Variants in NEXMIF observed in about 807,000 individuals in gnomAD.
NEXMIF encodes neurite extension and migration factor.
In NEXMIF, 8 loss-of-function variants were observed where a neutral mutation model predicts 62.1. The observed-to-expected ratio is 0.13, with a 90% CI of 0.08 to 0.23. The LOEUF is 0.23. NEXMIF is among the 10% of genes least tolerant of loss of function. The pLI is 1.00. For missense variants in NEXMIF, 976 were observed against 1,113.3 expected, an observed-to-expected ratio of 0.88 and a Z score of 1.75; for synonymous variants, 404 against 416.6, an observed-to-expected ratio of 0.97 and a Z score of 0.37.
Position 74,742,146 on chromosome X carries a change from G to C in NEXMIF, c.2411C>G (p.Thr804Ser), listed in dbSNP as rs764843382. 10 of 1,209,642 alleles carry C rather than the reference G, an allele frequency of 8.3e-6. No homozygotes were observed. The African/African-American group carries it at 1.2e-4, about 15-fold the overall frequency. ...SEMPLSSANVTTNIPVIPGGY... is the reference protein window; with the variant it reads ...SEMPLSSANVSTNIPVIPGGY... ...TCCCGGGATAACAGGTATATTAGTG[G>C]TAACATTAGCAGATGATAAAGGCAT... Residue 804 changes from threonine to serine, a missense_variant, in exon 3 of 4, where the codon ACC (threonine) becomes AGC (serine). Transcript: ENST00000055682.
At chrX:74,796,233 T>TATATATATACATATATA (rs2080310065) in intron 1 of NEXMIF, among the ~76,000 whole-genome samples, 2 of 55,513 alleles carry the variant, frequency 3.6e-5, no homozygotes, top group Non-Finnish European at 6.8e-5. Flanking sequence ...ATATATAATA[T>TATATATATACATATATA]ATATATATAT....
chrX:74,888,615 A>T (rs748151500), intron 1 of NEXMIF, among the ~76,000 whole-genome samples: 158 of 111,042 alleles, frequency 1.4e-3, no homozygotes, highest in African/African-American at 5.0e-3. Flanking sequence ...TGGGTGCAGC[A>T]AACCATCATG....
chrX:74,863,832 C>A (rs903234691), intron 1 of NEXMIF, among the ~76,000 whole-genome samples: 2 of 112,265 alleles, frequency 1.8e-5, no homozygotes, highest in African/African-American at 6.5e-5. Context: ...AGGCCAATAT[C>A]TCTCATGAAC....
intron 1 of NEXMIF, among the ~76,000 whole-genome samples, chrX:74,761,002 G>C (rs748592548): frequency 2.7e-5 from 3 of 109,707 alleles, no homozygotes; most frequent in African/African-American, 6.6e-5. Context: ...CAAGTAGCTG[G>C]GACTACAGGC....
At position 74,743,239 on chromosome X, in the gene NEXMIF, T is replaced by C. The variant is rs1437171743; in HGVS notation, c.1318A>G (p.Ser440Gly). The change falls in exon 3 of 4, where the codon AGT (serine) becomes GGT (glycine). Residue 440 changes from serine to glycine, a missense_variant. Ser to Gly is a moderately conservative substitution (Grantham distance 56). Transcript: ENST00000055682. ...ATCTCAATGAAGGAACTATCATCAC[T>C]GAAACTCCCTGATGTCTCCAGGGAA... is the stretch of plus-strand genomic sequence containing the variant. The part of the protein sequence containing the change: ...ANSLETSGSF[S>G]DDSSFIEISY... 2.5e-6 allele frequency: 3 copies of C among 1,209,598 alleles called. No individual in the cohort carries two copies. In the East Asian group the frequency reaches 8.9e-5, roughly 36 times the overall value.
intron 1 of NEXMIF, among the ~76,000 whole-genome samples, chrX:74,746,913 T>A (rs940173231): frequency 8.9e-6 from 1 of 112,341 alleles, no homozygotes; most frequent in Non-Finnish European, 1.9e-5. Flanking sequence ...AAAGAGAAAA[T>A]ATATGCTTAC....
At chrX:74,914,081 C>A (rs1444236341) in intron 1 of NEXMIF, among the ~76,000 whole-genome samples, 1 of 111,166 alleles carries the variant, frequency 9.0e-6, no homozygotes, top group African/African-American at 3.3e-5. Flanking sequence ...TAATGTAGTT[C>A]TAGATATATG....
At chrX:74,753,715 GCACACA>G (rs199783383) in intron 1 of NEXMIF, among the ~76,000 whole-genome samples, 5 of 100,179 alleles carry the variant, frequency 5.0e-5, no homozygotes, top group African/African-American at 7.3e-5. Context: ...ACACACACAC[GCACACA>G]CACACACACA....
chrX:74,888,160 G>A (rs1680685813), intron 1 of NEXMIF, among the ~76,000 whole-genome samples: 1 of 109,495 alleles, frequency 9.1e-6, no homozygotes, highest in African/African-American at 3.3e-5. Context: ...CAGGGGGGAA[G>A]GATAGCAGTA....
chrX:74,905,711 G>A (rs2080765595), intron 1 of NEXMIF, among the ~76,000 whole-genome samples: 1 of 110,641 alleles, frequency 9.0e-6, no homozygotes, highest in Non-Finnish European at 1.9e-5. Flanking sequence ...TTGGGAGGTT[G>A]AGGAATGAGA....
intron 1 of NEXMIF, among the ~76,000 whole-genome samples, chrX:74,851,360 G>A (rs2080512788): frequency 9.0e-6 from 1 of 111,395 alleles, no homozygotes; most frequent in Non-Finnish European, 1.9e-5. Context: ...TAGACATCCA[G>A]ACACAGGAAG....
At chrX:74,923,641 G>A (rs1569369929) in intron 1 of NEXMIF, among the ~76,000 whole-genome samples, 2 of 111,948 alleles carry the variant, frequency 1.8e-5, no homozygotes, top group Non-Finnish European at 3.8e-5. Flanking sequence ...AAGGAGTTCA[G>A]AGAAGACCAT....
chrX:74,772,084 T>C (rs1046954086), intron 1 of NEXMIF, among the ~76,000 whole-genome samples: 9 of 111,740 alleles, frequency 8.1e-5, no homozygotes, highest in African/African-American at 2.9e-4. Context: ...GGCAATCAGG[T>C]CCTTCCTTCA....
intron 1 of NEXMIF, among the ~76,000 whole-genome samples, chrX:74,812,601 C>G (rs1044079125): frequency 2.7e-5 from 3 of 110,603 alleles, no homozygotes; most frequent in Non-Finnish European, 5.7e-5. Context: ...AACATGATAC[C>G]AATAGGAGGA....
chrX:74,880,308 A>C (rs368993997), intron 1 of NEXMIF, among the ~76,000 whole-genome samples: 1 of 110,986 alleles, frequency 9.0e-6, no homozygotes, highest in African/African-American at 3.3e-5. Context: ...AGACTGAACC[A>C]CCCTCTTTCA....
intron 1 of NEXMIF, among the ~76,000 whole-genome samples, chrX:74,777,870 A>C (rs756829759): frequency 3.6e-5 from 4 of 111,431 alleles, no homozygotes; most frequent in Non-Finnish European, 7.5e-5. Flanking sequence ...ACCAGCTCCC[A>C]AAAAGCATTA....
intron 1 of NEXMIF, among the ~76,000 whole-genome samples, chrX:74,857,533 G>A (rs2080539729): frequency 1.8e-5 from 2 of 112,191 alleles, no homozygotes; most frequent in African/African-American, 6.5e-5. Flanking sequence ...GTACACTGTG[G>A]GCCTTGGGTA....
chrX:74,828,987 G>A (rs2080427310), intron 1 of NEXMIF, among the ~76,000 whole-genome samples: 1 of 111,659 alleles, frequency 9.0e-6, no homozygotes, highest in African/African-American at 3.3e-5. Flanking sequence ...TAGAAAAGGC[G>A]ATACATAATA....
At chrX:74,837,457 T>C (rs1199252910) in intron 1 of NEXMIF, among the ~76,000 whole-genome samples, 1 of 112,161 alleles carries the variant, frequency 8.9e-6, no homozygotes, top group Non-Finnish European at 1.9e-5. Context: ...GATACTCATT[T>C]TGGTTACCCA....
Sources: gnomAD v4.1 joint callset for allele counts (sites outside exome capture counted in the v4.1 genomes callset) on GRCh38, gnomAD v4.1.1 for gene constraint, MANE v1.5 for transcripts, NCBI Gene and HGNC (gene_info 2026-07-23, HGNC 2026-07-21) for gene names.